Variants in AMBRA1 observed in about 807,000 individuals in gnomAD.
AMBRA1 encodes the protein activating molecule in BECN1-regulated autophagy protein 1.
Under a neutral mutation model 125.4 loss-of-function variants are expected in AMBRA1, and 47 were observed. That is an observed-to-expected ratio of 0.37 (90% CI 0.30 to 0.48). The LOEUF is 0.48. Among genes scored for constraint, AMBRA1 ranks in the 20% least tolerant of loss-of-function variants. AMBRA1 has a pLI of 0.99. For synonymous variants in AMBRA1, 626 were observed against 655.5 expected (o/e 0.95, Z 0.69); for missense variants, 1,331 against 1,693.4 (o/e 0.79, Z 3.76).
chr11:46,442,518 C>T (rs1948069269), intron 12 of AMBRA1, among the ~76,000 whole-genome samples: 1 of 152,172 alleles, frequency 6.6e-6, no homozygotes, highest in African/African-American at 2.4e-5. Context: ...CAGAAGCAGT[C>T]AAGCAGAGGC....
At chr11:46,554,047 A>G (rs535936844) in intron 1 of AMBRA1, among the ~76,000 whole-genome samples, 43 of 152,174 alleles carry the variant, frequency 2.8e-4, no homozygotes, top group Non-Finnish European at 5.0e-4. Context: ...AAACTGCCAC[A>G]TAAGTGATTA....
intron 1 of AMBRA1, among the ~76,000 whole-genome samples, chr11:46,568,803 CTTTTT>C (rs774631588): frequency 1.0e-5 from 1 of 96,466 alleles, no homozygotes; most frequent in Non-Finnish European, 2.0e-5. Context: ...TCAACCCTAC[CTTTTT>C]TTTTTTTTTT....
At position 46,547,207 on chromosome 11, in the gene AMBRA1, C is replaced by T. The variant is rs2042852456; in HGVS notation, c.284G>A (p.Arg95His). The change falls in exon 4 of 18, where the codon CGC becomes CAC. Residue 95 changes from arginine (R) to histidine (H), a missense_variant. By Grantham distance (29) the Arg-to-His change is conservative (BLOSUM62 0). Around this residue, in one of 4 missense-constraint regions of AMBRA1, gnomAD observed 144 missense variants for 250.4 expected, o/e 0.58. Transcript: ENST00000683756. ...GKCVHSLIGHRRTPWCVTFHP... is the reference protein window; with the variant it reads ...GKCVHSLIGHHRTPWCVTFHP... ...AAAAGTGACACACCATGGAGTACGGCGGTGTCCAATCAGGGAATGAACACA... is the reference window on the plus strand; with the variant it reads ...AAAAGTGACACACCATGGAGTACGGTGGTGTCCAATCAGGGAATGAACACA... The T allele has an allele frequency of 1.9e-6, 3 of 1,614,092 alleles. No homozygotes were observed. The highest frequency in any genetic ancestry group is 2.5e-6 in the Non-Finnish European group (3 of 1,179,992).
chr11:46,523,115 A>AG (rs1379137278), intron 7 of AMBRA1, among the ~76,000 whole-genome samples: 6 of 152,234 alleles, frequency 3.9e-5, no homozygotes, highest in African/African-American at 1.4e-4. Flanking sequence ...CAGAGACTAC[A>AG]GCTGGGACCC....
chr11:46,473,765 C>T (rs1949701572), intron 11 of AMBRA1, among the ~76,000 whole-genome samples: 1 of 152,246 alleles, frequency 6.6e-6, no homozygotes, highest in African/African-American at 2.4e-5. Context: ...ATTCTCCTGC[C>T]TCAGCCTCCC....
At chr11:46,520,514 C>T (rs955666246) in intron 7 of AMBRA1, among the ~76,000 whole-genome samples, 3 of 151,940 alleles carry the variant, frequency 2.0e-5, no homozygotes, top group African/African-American at 7.3e-5. Context: ...CTGTAAAAAG[C>T]CTTCAAAGCT....
At chr11:46,573,410 A>G (rs2043837256) in intron 1 of AMBRA1, among the ~76,000 whole-genome samples, 1 of 151,484 alleles carries the variant, frequency 6.6e-6, no homozygotes, top group Non-Finnish European at 1.5e-5. Flanking sequence ...TCTCAGAAAA[A>G]CAAAACAAAA....
intron 17 of AMBRA1, among the ~76,000 whole-genome samples, chr11:46,399,731 A>C (rs531126046): frequency 1.1e-3 from 172 of 152,218 alleles, no homozygotes; most frequent in Middle Eastern, 3.4e-3. Flanking sequence ...TTTACCCCCC[A>C]GTCTTCACAA....
intron 14 of AMBRA1, among the ~76,000 whole-genome samples, chr11:46,432,672 G>C (rs556958971): frequency 4.6e-5 from 7 of 152,204 alleles, no homozygotes; most frequent in Admixed American, 3.9e-4. Flanking sequence ...ACGCTACACA[G>C]CTAAAGAAGA....
intron 11 of AMBRA1, among the ~76,000 whole-genome samples, chr11:46,451,314 C>A (rs1166331500): frequency 6.6e-6 from 1 of 152,154 alleles, no homozygotes; most frequent in Non-Finnish European, 1.5e-5. Context: ...GCCAGAGCTC[C>A]CAGAATGTGT....
Position 46,545,776 on chromosome 11 carries a change from C to G in AMBRA1, c.379G>C (p.Gly127Arg). The stretch of plus-strand genomic sequence containing the variant: ...TCTGTGAACCAGCTTTCACTGCCAC[C>G]CTGTGAATGAACCAATTCCAGATAT... ...DGEVRIWDLHGGSESWFTDSN... is the reference protein window; with the variant it reads ...DGEVRIWDLHRGSESWFTDSN... Residue 127 changes from glycine (G) to arginine (R), a missense_variant and splice_region_variant, in exon 5 of 18, where the codon GGT becomes CGT. Transcript: ENST00000683756. The G allele has an allele frequency of 6.2e-7, 1 of 1,613,544 alleles. No individual in the cohort carries two copies. Among genetic ancestry groups the G allele is most frequent in the South Asian group, 1.1e-5 (1 of 91,008 alleles).
chr11:46,543,106 T>C lies in AMBRA1; in HGVS notation c.911A>G (p.His304Arg), dbSNP rs1387487471. The C allele has an allele frequency of 3.2e-6, 5 of 1,581,590 alleles. No individual in the cohort carries two copies. The South Asian group carries it at 5.6e-5, about 18-fold the overall frequency. ...GCTGCAAAGGCACAGGATCCCAAGG[T>C]GCTGGCAGCACTCAGCTGTGGGGTA... Reference protein sequence around the residue: ...VSYPTAECCQHLGILCLCSRC... With the variant: ...VSYPTAECCQRLGILCLCSRC... Residue 304 changes from histidine to arginine, a missense_variant, in exon 7 of 18, where the codon CAC becomes CGC. Transcript: ENST00000683756.
chr11:46,402,372 A>T (rs1259816090), intron 17 of AMBRA1, among the ~76,000 whole-genome samples: 1 of 151,892 alleles, frequency 6.6e-6, no homozygotes, highest in Non-Finnish European at 1.5e-5. Context: ...ATTTTATTTT[A>T]TTTTTTTGAG....
At chr11:46,531,527 T>C (rs1045451976) in intron 7 of AMBRA1, among the ~76,000 whole-genome samples, 1 of 151,748 alleles carries the variant, frequency 6.6e-6, no homozygotes, top group Non-Finnish European at 1.5e-5. Context: ...CCAGCCAATA[T>C]GGCGAAACCC....
At chr11:46,491,685 G>C (rs887368383) in intron 11 of AMBRA1, among the ~76,000 whole-genome samples, 3 of 152,168 alleles carry the variant, frequency 2.0e-5, no homozygotes, top group African/African-American at 7.2e-5. Flanking sequence ...GAGGTTCTAG[G>C]GAGTCTAGAG....
intron 1 of AMBRA1, among the ~76,000 whole-genome samples, chr11:46,575,296 A>G (rs1158762540): frequency 2.0e-5 from 3 of 151,928 alleles, no homozygotes; most frequent in Non-Finnish European, 4.4e-5. Context: ...CATCTCTACT[A>G]AAAACACAAA....
chr11:46,537,350 C>T (rs1327476783), intron 7 of AMBRA1, among the ~76,000 whole-genome samples: 1 of 152,172 alleles, frequency 6.6e-6, no homozygotes, highest in Admixed American at 6.5e-5. Context: ...GGAGTTCAAA[C>T]CCCACTTTTG....
In AMBRA1 at chr11:46,461,296, T is replaced by C. The variant is rs200729255; in HGVS notation, c.2522-17698A>G. 7.9e-5 allele frequency among the ~76,000 whole-genome samples: 12 copies of C among 152,284 alleles called. No homozygotes were observed. The East Asian group carries it at 1.9e-3, about 24-fold the overall frequency. On this transcript the variant is annotated intron_variant, in intron 11 of 17. Coordinates refer to ENST00000683756, the MANE Select transcript of AMBRA1 (RefSeq NM_001387011.1). ...GACAAATGGGGCAAAACAACTCAAT[T>C]TGTTGAGGCAAATAGGGCAAAATGT...
rs1952792896 is a variant in AMBRA1 at position 46,542,385 on chromosome 11, G to A, written c.1632C>T (p.Gly544=). The A allele has an allele frequency of 2.5e-6, 4 of 1,613,974 alleles. No homozygotes were observed. The highest frequency in any genetic ancestry group is 2.5e-6 in the Non-Finnish European group (3 of 1,180,032). Residue 544 remains glycine, a synonymous_variant, in exon 7 of 18, where the codon GGC becomes GGT. Coordinates refer to ENST00000683756, the MANE Select transcript of AMBRA1 (RefSeq NM_001387011.1). This position sits in a 1 kb window ranked among gnomAD's most constrained non-coding sequence, Gnocchi z 5.9. The part of the protein sequence containing the change: ...LNNNIESERP[G]PSHQPTPHSS... ...TGTGTGGGGTGGGCTGGTGGGAAGG[G>A]CCTGGCCTCTCAGATTCAATGTTAT... is the stretch of plus-strand genomic sequence containing the variant.
Sources: gnomAD v4.1 joint callset for allele counts (sites outside exome capture counted in the v4.1 genomes callset) on GRCh38, gnomAD v4.1.1 for gene constraint, gnomAD v4.1.1 regional missense constraint, Gnocchi (gnomAD v3.1) non-coding constraint, MANE v1.5 for transcripts, NCBI Gene and HGNC (gene_info 2026-07-23, HGNC 2026-07-21) for gene names.